RPUSD2: variants seen among roughly 807,000 people sequenced by gnomAD.
The protein encoded by RPUSD2 is pseudouridylate synthase RPUSD2.
Under a neutral mutation model 41.5 loss-of-function variants are expected in RPUSD2, and 31 were observed. The ratio of observed to expected loss-of-function variants is 0.75; its 90% CI spans 0.56 to 1.01. RPUSD2 has a LOEUF of 1.01. RPUSD2 is among the 50% of genes least tolerant of loss of function. RPUSD2 has a pLI of 0.00. For synonymous variants in RPUSD2, 305 were observed against 289.7 expected (o/e 1.05, Z -0.54); for missense variants, 749 against 724.7 (o/e 1.03, Z -0.38).
At position 40,573,718 on chromosome 15, in the gene RPUSD2, C is replaced by T; in HGVS notation, c.1095C>T (p.Leu365=). The T allele has an allele frequency of 6.2e-7, 1 of 1,614,206 alleles. No homozygotes were observed. The highest frequency in any genetic ancestry group is 1.3e-5 in the African/African-American group (1 of 75,052). Reference sequence around the variant, plus strand: ...CCAGTGTGGTACGGTGCCGGCCACTCACAGGCCGCACACACCAGATTCGAG... The same window carrying T: ...CCAGTGTGGTACGGTGCCGGCCACTTACAGGCCGCACACACCAGATTCGAG... The part of the protein sequence containing the change: ...GQSSVVRCRP[L]TGRTHQIRVH... Residue 365 remains leucine (L), a synonymous_variant, in exon 3 of 3, where the codon CTC becomes CTT. Transcript: ENST00000315616.
In RPUSD2 at chr15:40,571,631, C is replaced by T; in HGVS notation, c.634C>T (p.His212Tyr). ...KDNDFLRNTV[H>Y]RHEPPVTAEP... is the part of the protein sequence containing the mutation. ...CAATGATTTCTTGCGGAACACAGTG[C>T]ACAGGCATGAGCCACCAGTCACAGC... Residue 212 changes from histidine (H) to tyrosine (Y), a missense_variant, in exon 2 of 3, where the codon CAC becomes TAC. Coordinates refer to ENST00000315616, the MANE Select transcript of RPUSD2 (RefSeq NM_152260.3). 1 of 1,614,202 alleles carries T rather than the reference C, an allele frequency of 6.2e-7. No individual in the cohort carries two copies. Among genetic ancestry groups the T allele is most frequent in the Non-Finnish European group, 8.5e-7 (1 of 1,180,032 alleles).
Position 40,569,960 on chromosome 15 carries a change from G to A in RPUSD2, c.606+17G>A. 1 of 1,512,318 alleles carries A rather than the reference G, an allele frequency of 6.6e-7. No individual in the cohort carries two copies. 93.7% of individuals were successfully genotyped at this position (1,512,318 alleles called of 1,614,324 possible). ...GTGCTCAAGGTGGAGTCCTGATGGGGCTGGCCAGAAGCGGGCGAGGAAAAG... is the reference window on the plus strand; with the variant it reads ...GTGCTCAAGGTGGAGTCCTGATGGGACTGGCCAGAAGCGGGCGAGGAAAAG... On this transcript the variant is annotated intron_variant, in intron 1 of 2. Coordinates refer to ENST00000315616, the MANE Select transcript of RPUSD2 (RefSeq NM_152260.3).
Position 40,573,614 on chromosome 15 carries a change from A to G in RPUSD2, c.991A>G (p.Lys331Glu). ...AGAACCCATCTTAGTGGTGTCTTAC[A>G]AAGTAGGGGTGTGCCGTGTAGATCC... ...CKEPILVVSY[K>E]VGVCRVDPRG... The change falls in exon 3 of 3, where the codon AAA (lysine) becomes GAA (glutamate). Residue 331 changes from lysine (K) to glutamate (E), a missense_variant. Transcript: ENST00000315616. 1.2e-6 allele frequency: 2 copies of G among 1,614,170 alleles called. No individual in the cohort carries two copies. The highest frequency in any genetic ancestry group is 1.1e-5 in the South Asian group (1 of 91,080).
intron 2 of RPUSD2, among the ~76,000 whole-genome samples, chr15:40,572,605 G>A (rs1367995931): frequency 6.6e-6 from 1 of 151,430 alleles, no homozygotes; most frequent in African/African-American, 2.4e-5. Context: ...GGTGGCACAT[G>A]CCTGTAGTCC....
chr15:40,571,958 C>T, intron 2 of RPUSD2, 58 bp downstream of exon 2: 1 of 1,536,632 alleles, frequency 6.5e-7, no homozygotes, highest in Non-Finnish European at 8.9e-7. Flanking sequence ...TGCTCTGTGT[C>T]AAAAGGGCAT....
chr15:40,572,564 C>CAA (rs1353712093), intron 2 of RPUSD2, among the ~76,000 whole-genome samples: 20 of 83,780 alleles, frequency 2.4e-4, no homozygotes, highest in East Asian at 3.2e-4. Context: ...GACTCTGTCT[C>CAA]AAAAAAAAAA....
Position 40,574,270 on chromosome 15 carries a change from C to T in RPUSD2, c.*9C>T. The T allele has an allele frequency of 6.2e-7, 1 of 1,603,330 alleles. No homozygotes were observed. The highest frequency in any genetic ancestry group is 8.5e-7 in the Non-Finnish European group (1 of 1,175,090). On this transcript the variant is annotated 3_prime_UTR_variant, in exon 3 of 3. Transcript: ENST00000315616. ...ACTGGCAAAAGGACTGAGGGTGTGG[C>T]CAATGGAGGGATTGCTTCTTGGGTT...
In RPUSD2 at chr15:40,571,668, G is replaced by T. The variant is rs556912818; in HGVS notation, c.671G>T (p.Arg224Leu). 6.2e-7 allele frequency: 1 copy of T among 1,614,218 alleles called. No homozygotes were observed. Among genetic ancestry groups the T allele is most frequent in the Admixed American group, 1.7e-5 (1 of 60,034 alleles). ...CCACCAGTCACAGCAGAGCCCATTC[G>T]CCTGCTAGCTGAGAACGAAGATGTG... ...HEPPVTAEPI[R>L]LLAENEDVVV... Residue 224 changes from arginine (R) to leucine (L), a missense_variant, in exon 2 of 3, where the codon CGC becomes CTC. Physicochemically the swap from Arg to Leu is moderately radical, Grantham distance 102. Coordinates refer to ENST00000315616, the MANE Select transcript of RPUSD2 (RefSeq NM_152260.3).
chr15:40,571,557 T>C (rs866667508), intron 1 of RPUSD2, 47 bp from the exon 2 acceptor site: 2 of 1,570,930 alleles, frequency 1.3e-6, no homozygotes. Context: ...GTTGACTGAT[T>C]ACAGGCTGCG....
Position 40,573,891 on chromosome 15 carries a change from A to G in RPUSD2, c.1268A>G (p.Gln423Arg). The change falls in exon 3 of 3, where the codon CAG becomes CGG. Residue 423 changes from glutamine to arginine, a missense_variant. Physicochemically the swap from Gln to Arg is conservative, Grantham distance 43. Transcript: ENST00000315616. ...RDLVAEHQAK[Q>R]SLDVLDLCEG... ...CTGGTAGCAGAGCACCAGGCCAAAC[A>G]GAGCCTGGATGTGCTAGATCTCTGT... is the stretch of plus-strand genomic sequence containing the variant. The G allele has an allele frequency of 6.2e-7, 1 of 1,614,162 alleles. No individual in the cohort carries two copies. Among genetic ancestry groups the G allele is most frequent in the Non-Finnish European group, 8.5e-7 (1 of 1,180,018 alleles).
intron 2 of RPUSD2, among the ~76,000 whole-genome samples, 162 bp downstream of exon 2, chr15:40,572,062 G>T (rs534627945): frequency 3.3e-5 from 5 of 152,238 alleles, no homozygotes; most frequent in Admixed American, 2.0e-4. Flanking sequence ...CCAAATGCAG[G>T]ATATCTCATA....
In RPUSD2 at chr15:40,574,529, A is replaced by G; in HGVS notation, c.*268A>G. 3.1e-6 allele frequency: 1 copy of G among 320,238 alleles called. No individual in the cohort carries two copies. Among genetic ancestry groups the G allele is most frequent in the South Asian group, 4.3e-5 (1 of 23,218 alleles). The allele number at this position is 320,238 out of a possible 1,614,324, so 19.8% of individuals were successfully genotyped here. On this transcript the variant is annotated 3_prime_UTR_variant, in exon 3 of 3. Transcript: ENST00000315616. The stretch of plus-strand genomic sequence containing the variant: ...TGTAAAATTCACATAACATAAAATT[A>G]ACCACTTTAACTAGCCAGGCACAGT...
Position 40,573,635 on chromosome 15 carries a change from G to A in RPUSD2, c.1012G>A (p.Asp338Asn), listed in dbSNP as rs115655524. 3.9e-4 allele frequency: 627 copies of A among 1,614,162 alleles called. 3 individuals carry two copies. The African/African-American group carries it at 7.9e-3, about 20-fold the overall frequency. The change falls in exon 3 of 3, where the codon GAT (aspartate) becomes AAT (asparagine). Residue 338 changes from aspartate (D) to asparagine (N), a missense_variant. Asp to Asn is a conservative substitution (Grantham distance 23). Coordinates refer to ENST00000315616, the MANE Select transcript of RPUSD2 (RefSeq NM_152260.3). ...VSYKVGVCRVDPRGKPCETVF... is the reference protein window; with the variant it reads ...VSYKVGVCRVNPRGKPCETVF... ...TTACAAAGTAGGGGTGTGCCGTGTA[G>A]ATCCCCGGGGCAAGCCCTGTGAGAC...
At chr15:40,572,008 TCCTTCCTA>T (rs1358186803) in intron 2 of RPUSD2, 108 bp downstream of exon 2, 6 of 1,094,122 alleles carry the variant, frequency 5.5e-6, no homozygotes, top group Non-Finnish European at 7.9e-6. Context: ...TATCTGGCCA[TCCTTCCTA>T]CCTTCCTACC....
rs779764785 is a variant in RPUSD2, at chr15:40,571,838, C to T, written c.841C>T (p.Leu281Phe). The change falls in exon 2 of 3, where the codon CTT becomes TTT. Residue 281 changes from leucine to phenylalanine, a missense_variant. Leu to Phe is a conservative substitution (Grantham distance 22). Transcript: ENST00000315616. ...GCTTGACCGCCTTACCTCAGGGGTG[C>T]TTATGTTTGCCAAGACAGCTGCAGT... is the stretch of plus-strand genomic sequence containing the variant. The part of the protein sequence containing the change: ...HRLDRLTSGV[L>F]MFAKTAAVSE... The T allele has an allele frequency of 6.2e-7, 1 of 1,614,192 alleles. No individual in the cohort carries two copies. Among genetic ancestry groups the T allele is most frequent in the Admixed American group, 1.7e-5 (1 of 60,022 alleles).
chr15:40,569,495 A>G lies in RPUSD2; in HGVS notation c.158A>G (p.His53Arg). The G allele has an allele frequency of 6.4e-7, 1 of 1,558,758 alleles. No homozygotes were observed. Among genetic ancestry groups the G allele is most frequent in the South Asian group, 1.2e-5 (1 of 81,406 alleles). The part of the protein sequence containing the change: ...VGTEGGLRAS[H>R]QQNGDAGGDA... The stretch of plus-strand genomic sequence containing the variant: ...ACAGAGGGCGGGCTGAGGGCTTCGC[A>G]TCAGCAAAACGGTGACGCTGGTGGC... Residue 53 changes from histidine (H) to arginine (R), a missense_variant, in exon 1 of 3, where the codon CAT (histidine) becomes CGT (arginine). Transcript: ENST00000315616.
In RPUSD2 at chr15:40,574,059, C is replaced by G. The variant is rs560985866; in HGVS notation, c.1436C>G (p.Ala479Gly). The G allele has an allele frequency of 1.9e-6, 3 of 1,614,132 alleles. No homozygotes were observed. The East Asian group carries it at 6.7e-5, about 36-fold the overall frequency. Reference sequence around the variant, plus strand: ...GCCCCTCAGGAGTTGGACACAATAGCCTTGGCATCAGAGAAGGCAGTTGAA... The same window carrying G: ...GCCCCTCAGGAGTTGGACACAATAGGCTTGGCATCAGAGAAGGCAGTTGAA... ...EAAPQELDTIALASEKAVETD... is the reference protein window; with the variant it reads ...EAAPQELDTIGLASEKAVETD... The change falls in exon 3 of 3, where the codon GCC becomes GGC. Residue 479 changes from alanine to glycine, a missense_variant. Ala to Gly is a moderately conservative substitution (Grantham distance 60). Transcript: ENST00000315616.
In RPUSD2 at chr15:40,569,443, G is replaced by T; in HGVS notation, c.106G>T (p.Ala36Ser). Residue 36 changes from alanine to serine, a missense_variant, in exon 1 of 3, where the codon GCA becomes TCA. By Grantham distance (99) the Ala-to-Ser change is moderately conservative (BLOSUM62 1). Coordinates refer to ENST00000315616, the MANE Select transcript of RPUSD2 (RefSeq NM_152260.3). Reference sequence around the variant, plus strand: ...TTGGAGTGGCGATAAGGGCCCAATGGCAGAAACAGTGTCTACCCAGGTTGG... The same window carrying T: ...TTGGAGTGGCGATAAGGGCCCAATGTCAGAAACAGTGTCTACCCAGGTTGG... ...RTWSGDKGPM[A>S]ETVSTQVGTE... The T allele has an allele frequency of 1.3e-6, 2 of 1,568,266 alleles. No homozygotes were observed. The highest frequency in any genetic ancestry group is 1.7e-6 in the Non-Finnish European group (2 of 1,162,046).
Position 40,573,548 on chromosome 15 carries a change from C to T in RPUSD2, c.925C>T (p.Arg309Trp), listed in dbSNP as rs762504550. Residue 309 changes from arginine to tryptophan, a missense_variant, in exon 3 of 3, where the codon CGG (arginine) becomes TGG (tryptophan). Physicochemically the swap from Arg to Trp is moderately radical, Grantham distance 101. Transcript: ENST00000315616. Reference sequence around the variant, plus strand: ...GTAGCTGGAGAAGGAGTACGTGTGCCGGGTGGAAGGGGAGTTCCCCACTGA... The same window carrying T: ...GTAGCTGGAGAAGGAGTACGTGTGCTGGGTGGAAGGGGAGTTCCCCACTGA... ...DRQLEKEYVC[R>W]VEGEFPTEEV... The T allele has an allele frequency of 1.7e-5, 27 of 1,613,190 alleles. No individual in the cohort carries two copies. Among genetic ancestry groups the T allele is most frequent in the African/African-American group, 5.3e-5 (4 of 74,922 alleles).
Sources: allele counts gnomAD v4.1 joint callset (sites outside exome capture counted in the v4.1 genomes callset), GRCh38; gene constraint gnomAD v4.1.1; transcripts MANE v1.5; gene names NCBI Gene and HGNC (gene_info 2026-07-23, HGNC 2026-07-21).